Variants in CDC42BPA observed in about 807,000 individuals in gnomAD.
CDC42BPA encodes the protein serine/threonine-protein kinase MRCK alpha.
CDC42BPA carries 80 observed loss-of-function variants against 223.5 expected under a neutral mutation model. That is an observed-to-expected ratio of 0.36 (90% CI 0.30 to 0.43). The LOEUF is 0.43. Ranked by LOEUF, CDC42BPA falls within the 20% of genes least tolerant of loss-of-function variation. The pLI, the probability that CDC42BPA is intolerant of heterozygous loss-of-function variation, is 1.00. For synonymous variants in CDC42BPA, 694 were observed against 718.6 expected (o/e 0.97, Z 0.55); for missense variants, 1,743 against 2,099.9 (o/e 0.83, Z 3.32).
intron 5 of CDC42BPA, among the ~76,000 whole-genome samples, chr1:227,174,462 A>G (rs556985740): frequency 2.6e-5 from 4 of 152,336 alleles, no homozygotes; most frequent in South Asian, 2.1e-4. Context: ...GGCAAAGCAC[A>G]TACCAATCCT....
Position 227,028,979 on chromosome 1 carries a change from G to T in CDC42BPA, c.4110C>A (p.Thr1370=). ...GAATTTCTTTAAATTTTCTGTGACG[G>T]GTCTTGCTCTGAAATAGTTCATAAC... ...VLCYELFQSK[T]RHRKFKEIQV... The change falls in exon 30 of 37, where the codon ACC becomes ACA. Residue 1370 remains threonine, a synonymous_variant. Transcript: ENST00000366766. 6.2e-7 allele frequency: 1 copy of T among 1,613,994 alleles called. No homozygotes were observed. The highest frequency in any genetic ancestry group is 8.5e-7 in the Non-Finnish European group (1 of 1,180,006).
At chr1:227,269,090 G>A (rs1685557115) in intron 1 of CDC42BPA, among the ~76,000 whole-genome samples, 2 of 152,208 alleles carry the variant, frequency 1.3e-5, no homozygotes, top group African/African-American at 4.8e-5. Context: ...TGCAGGCTTT[G>A]TGAGCTCTTT....
At chr1:227,275,514 A>C (rs1181398825) in intron 1 of CDC42BPA, among the ~76,000 whole-genome samples, 1 of 119,184 alleles carries the variant, frequency 8.4e-6, no homozygotes, top group Admixed American at 9.1e-5. Context: ...AAGATTGATA[A>C]ACCTCTAAAA....
At chr1:227,288,609 T>C (rs572772197) in intron 1 of CDC42BPA, among the ~76,000 whole-genome samples, 16 of 152,020 alleles carry the variant, frequency 1.1e-4, no homozygotes, top group African/African-American at 3.1e-4. Flanking sequence ...GGCAGGAGAA[T>C]TGCTTGAACC....
At chr1:227,150,879 AAG>A (rs1037182070) in intron 6 of CDC42BPA, among the ~76,000 whole-genome samples, 5 of 151,608 alleles carry the variant, frequency 3.3e-5, no homozygotes, top group African/African-American at 7.2e-5. Flanking sequence ...GAAAAAAAAA[AAG>A]AAGTTGGAAA....
chr1:227,168,640 C>T (rs575568848), intron 5 of CDC42BPA, among the ~76,000 whole-genome samples: 1 of 151,824 alleles, frequency 6.6e-6, no homozygotes, highest in Non-Finnish European at 1.5e-5. Flanking sequence ...GGACTACAGG[C>T]GCCTGCCACC....
Position 227,295,796 on chromosome 1 carries a change from CAT to C in CDC42BPA, c.178+21207_178+21208del, listed in dbSNP as rs569034572. 4.5e-4 allele frequency among the ~76,000 whole-genome samples: 68 copies of C among 152,316 alleles called. No individual in the cohort carries two copies. In the Middle Eastern group the frequency reaches 0.01, roughly 23 times the overall value. On this transcript the variant is annotated intron_variant, in intron 1 of 36. Transcript: ENST00000366766. ...CACAGTCCAAGCTCTGAAAACATCA[CAT>C]GTGTTCTGTGCAGCAGACGGGAATA...
In CDC42BPA at chr1:226,991,828, A is replaced by G. The variant is rs1010796195; in HGVS notation, c.*2440T>C. The G allele has an allele frequency of 2.0e-5, 3 of 151,882 alleles. No individual in the cohort carries two copies. The highest frequency in any genetic ancestry group is 7.3e-5 in the African/African-American group (3 of 41,306). The allele number at this position is 151,882 out of a possible 1,614,324, so 9.4% of individuals were successfully genotyped here. On this transcript the variant is annotated 3_prime_UTR_variant, in exon 37 of 37. Transcript: ENST00000366766. Reference sequence around the variant, plus strand: ...AAGCACCTATAAGCAACAAAAATTCATAATTACTTGTCAAAGCTACAAACT... The same window carrying G: ...AAGCACCTATAAGCAACAAAAATTCGTAATTACTTGTCAAAGCTACAAACT...
chr1:227,294,854 C>A (rs547178040), intron 1 of CDC42BPA, among the ~76,000 whole-genome samples: 1 of 82,896 alleles, frequency 1.2e-5, no homozygotes, highest in African/African-American at 4.5e-5. Flanking sequence ...AGCGAGACTC[C>A]GTCTCAAAAA....
At chr1:227,281,339 C>T (rs1015134628) in intron 1 of CDC42BPA, among the ~76,000 whole-genome samples, 1 of 149,542 alleles carries the variant, frequency 6.7e-6, no homozygotes, top group Non-Finnish European at 1.5e-5. Flanking sequence ...ACTCTCACCC[C>T]AGACATGCCA....
At chr1:227,217,972 T>A (rs988396707) in intron 2 of CDC42BPA, among the ~76,000 whole-genome samples, 2 of 152,214 alleles carry the variant, frequency 1.3e-5, no homozygotes, top group African/African-American at 4.8e-5. Flanking sequence ...TTTGCTTCAT[T>A]CACTACAATA....
chr1:227,030,348 C>T (rs1669037668), intron 29 of CDC42BPA, 60 bp downstream of exon 29: 1 of 945,344 alleles, frequency 1.1e-6, no homozygotes. Flanking sequence ...TTAGAATCTA[C>T]AGTTTAAATT....
At chr1:227,262,833 T>A (rs941110938) in intron 1 of CDC42BPA, among the ~76,000 whole-genome samples, 1 of 152,232 alleles carries the variant, frequency 6.6e-6, no homozygotes, top group Non-Finnish European at 1.5e-5. Context: ...ATAACTCACC[T>A]AAACATTAAT....
intron 35 of CDC42BPA, among the ~76,000 whole-genome samples, chr1:227,000,197 A>G (rs979021726): frequency 2.0e-5 from 3 of 152,118 alleles, no homozygotes; most frequent in Middle Eastern, 3.4e-3. Context: ...CTCACTCCTC[A>G]GGAGACACGT....
intron 1 of CDC42BPA, among the ~76,000 whole-genome samples, chr1:227,303,005 G>GT (rs1491093424): frequency 6.9e-5 from 8 of 116,060 alleles, no homozygotes; most frequent in African/African-American, 1.2e-4. Flanking sequence ...TGGTTTTTTT[G>GT]GGTTTTTTTT....
chr1:227,148,772 C>CAAAAAAGAAAAAAAAA (rs1187846598), intron 6 of CDC42BPA, among the ~76,000 whole-genome samples: 17 of 78,790 alleles, frequency 2.2e-4, no homozygotes, highest in Non-Finnish European at 3.2e-4. Context: ...GTCTCAAAAG[C>CAAAAAAGAAAAAAAAA]AAAAAAAAAA....
At chr1:227,261,970 C>G (rs1012134807) in intron 1 of CDC42BPA, among the ~76,000 whole-genome samples, 9 of 151,964 alleles carry the variant, frequency 5.9e-5, no homozygotes, top group Non-Finnish European at 1.0e-4. Context: ...GTTCCTATCC[C>G]ACAGAAGCAA....
Position 227,199,617 on chromosome 1 carries a change from C to T in CDC42BPA, c.390G>A (p.Val130=). The T allele has an allele frequency of 6.2e-7, 1 of 1,608,342 alleles. No individual in the cohort carries two copies. Among genetic ancestry groups the T allele is most frequent in the Non-Finnish European group, 8.5e-7 (1 of 1,176,024 alleles). The change falls in exon 4 of 37, where the codon GTG becomes GTA. Residue 130 remains valine, a synonymous_variant. Coordinates refer to ENST00000366766, the MANE Select transcript of CDC42BPA (RefSeq NM_001394014.1). The part of the protein sequence containing the change: ...ACFREERDVL[V]NGDNKWITTL... ...TTGTAATCCATTTATTGTCTCCATT[C>T]ACTAATACATCCCTTTCTTCACGAA...
At chr1:227,033,980 C>A (rs1669792170) in intron 26 of CDC42BPA, among the ~76,000 whole-genome samples, 1 of 152,146 alleles carries the variant, frequency 6.6e-6, no homozygotes, top group Admixed American at 6.5e-5. Context: ...TGCATCTATC[C>A]TGTCATGTTC....
Sources: allele counts gnomAD v4.1 joint callset (sites outside exome capture counted in the v4.1 genomes callset), GRCh38; gene constraint gnomAD v4.1.1; transcripts MANE v1.5; gene names NCBI Gene and HGNC (gene_info 2026-07-23, HGNC 2026-07-21).